Variants in SLC26A7 observed in about 807,000 individuals in gnomAD.
SLC26A7 encodes the protein solute carrier family 26 member 7, also known as anion exchange transporter.
Under a neutral mutation model 82.5 loss-of-function variants are expected in SLC26A7, and 59 were observed. The ratio of observed to expected loss-of-function variants is 0.72; its 90% CI spans 0.58 to 0.89. The LOEUF (loss-of-function observed/expected upper bound fraction) is 0.89, where lower values mean the gene tolerates loss of function less well. Among genes scored for constraint, SLC26A7 ranks in the 40% least tolerant of loss-of-function variants. SLC26A7 has a pLI of 0.00. For missense variants in SLC26A7, 820 were observed against 793.0 expected (o/e 1.03, Z -0.41); for synonymous variants, 271 against 274.3 (o/e 0.99, Z 0.12).
chr8:91,340,692 A>G, intron 8 of SLC26A7, 141 bp downstream of exon 8: 3 of 974,572 alleles, frequency 3.1e-6, no homozygotes, highest in Non-Finnish European at 4.5e-6. Flanking sequence ...AAAAAGAAAA[A>G]TATCAAAATC....
At chr8:91,298,888 AGTT>A (rs886403934) in intron 4 of SLC26A7, among the ~76,000 whole-genome samples, 2 of 152,168 alleles carry the variant, frequency 1.3e-5, no homozygotes, top group African/African-American at 4.8e-5. Context: ...AAACAAATGT[AGTT>A]ATGTTAGACA....
At chr8:91,278,026 C>T (rs982299168) in intron 2 of SLC26A7, among the ~76,000 whole-genome samples, 2 of 152,102 alleles carry the variant, frequency 1.3e-5, no homozygotes, top group Non-Finnish European at 2.9e-5. Flanking sequence ...ATCGTTGGGA[C>T]CATGCCCCCT....
At chr8:91,378,740 A>T (rs1814588630) in intron 15 of SLC26A7, among the ~76,000 whole-genome samples, 1 of 151,732 alleles carries the variant, frequency 6.6e-6, no homozygotes, top group South Asian at 2.1e-4. Context: ...ACACATTTCA[A>T]ATAATGAAAA....
intron 11 of SLC26A7, chr8:91,357,134 C>T (rs1586448437): frequency 6.6e-6 from 1 of 152,078 alleles, no homozygotes; most frequent in Non-Finnish European, 1.5e-5. Flanking sequence ...AGTACATTTC[C>T]TTTTTCTCTG....
intron 4 of SLC26A7, among the ~76,000 whole-genome samples, chr8:91,316,759 C>T (rs1195381740): frequency 3.3e-5 from 5 of 150,802 alleles, no homozygotes; most frequent in African/African-American, 1.2e-4. Context: ...TTACTTTTTG[C>T]AGTTTCTGTG....
intron 2 of SLC26A7, among the ~76,000 whole-genome samples, chr8:91,262,554 C>G (rs60170010): frequency 0.023 from 3,484 of 152,100 alleles, 123 homozygotes; most frequent in African/African-American, 0.08. Context: ...CAGCCAGCAT[C>G]ATGGAAGGTC....
At chr8:91,354,317 C>A (rs1228071375) in intron 11 of SLC26A7, among the ~76,000 whole-genome samples, 1 of 151,954 alleles carries the variant, frequency 6.6e-6, no homozygotes, top group Non-Finnish European at 1.5e-5. Flanking sequence ...AATTGCATTA[C>A]CTGGAGAAGA....
intron 2 of SLC26A7, among the ~76,000 whole-genome samples, chr8:91,271,454 A>G (rs757091732): frequency 6.6e-6 from 1 of 152,228 alleles, no homozygotes; most frequent in Non-Finnish European, 1.5e-5. Context: ...TACTAAGCTC[A>G]GACAACTTGG....
At chr8:91,318,839 A>G (rs7829485) in intron 5 of SLC26A7, among the ~76,000 whole-genome samples, 27,114 of 152,096 alleles carry the variant, frequency 0.18, 2,860 homozygotes, top group African/African-American at 0.28. Context: ...ACCTGAACCC[A>G]AGAAAGAGAG....
At chr8:91,223,058 C>T (rs972472615) in intron 2 of SLC26A7, among the ~76,000 whole-genome samples, 10 of 152,014 alleles carry the variant, frequency 6.6e-5, no homozygotes, top group African/African-American at 2.2e-4. Context: ...CTGGTTTAGT[C>T]TTAGTAGGGT....
chr8:91,287,151 T>G (rs1448921944), intron 2 of SLC26A7, among the ~76,000 whole-genome samples: 1 of 152,216 alleles, frequency 6.6e-6, no homozygotes, highest in Non-Finnish European at 1.5e-5. Context: ...TGGAGATTGT[T>G]GTAGAAGAAT....
chr8:91,360,492 G>A (rs1814019216), intron 11 of SLC26A7, among the ~76,000 whole-genome samples: 1 of 152,100 alleles, frequency 6.6e-6, no homozygotes, highest in South Asian at 2.1e-4. Context: ...ATTATTTATT[G>A]GTCTATGTTA....
chr8:91,344,281 G>C, intron 9 of SLC26A7: 1 of 880,528 alleles, frequency 1.1e-6, no homozygotes, highest in Non-Finnish European at 1.4e-6. Flanking sequence ...CCAGGTCATA[G>C]AGGTAGTAAA....
At position 91,395,437 on chromosome 8, in the gene SLC26A7, T is replaced by C. The variant is rs1222295317; in HGVS notation, c.*340T>C. On this transcript the variant is annotated 3_prime_UTR_variant, in exon 19 of 19. Coordinates refer to ENST00000276609, the MANE Select transcript of SLC26A7 (RefSeq NM_052832.4). Reference sequence around the variant, plus strand: ...TAAGTTGATGTTTAAAATTGAGAAATACTTTTGTCATAGGTAATTTGGAAC... The same window carrying C: ...TAAGTTGATGTTTAAAATTGAGAAACACTTTTGTCATAGGTAATTTGGAAC... The C allele has an allele frequency of 1.5e-5, 4 of 260,314 alleles. No individual in the cohort carries two copies. The highest frequency in any genetic ancestry group is 2.6e-5 in the Non-Finnish European group (4 of 152,318). 16.1% of individuals were successfully genotyped at this position (260,314 alleles called of 1,614,324 possible).
chr8:91,339,213 G>T (rs1009438579), intron 7 of SLC26A7, among the ~76,000 whole-genome samples: 3 of 151,938 alleles, frequency 2.0e-5, no homozygotes, highest in African/African-American at 7.3e-5. Flanking sequence ...AAATGGTTTT[G>T]TGTAGCATAA....
chr8:91,284,331 C>T (rs1811654181), intron 2 of SLC26A7, among the ~76,000 whole-genome samples: 1 of 152,062 alleles, frequency 6.6e-6, no homozygotes, highest in Admixed American at 6.6e-5. Flanking sequence ...GGCCAGGAGC[C>T]TTTAGGGTTT....
chr8:91,353,021 A>T (rs746364778), intron 11 of SLC26A7, 25 bp downstream of exon 11: 1 of 1,516,966 alleles, frequency 6.6e-7, no homozygotes, highest in South Asian at 1.2e-5. Flanking sequence ...GACCTAAAAC[A>T]ATCCCTTTTT....
chr8:91,284,930 C>T (rs1339551086), intron 2 of SLC26A7, among the ~76,000 whole-genome samples: 1 of 152,200 alleles, frequency 6.6e-6, no homozygotes, highest in African/African-American at 2.4e-5. Context: ...TGACCTCTTA[C>T]TTTCTGTCTC....
chr8:91,375,140 A>C (rs1298575500), intron 15 of SLC26A7, among the ~76,000 whole-genome samples: 1 of 152,072 alleles, frequency 6.6e-6, no homozygotes, highest in Non-Finnish European at 1.5e-5. Flanking sequence ...GTTACACAAA[A>C]AATGAGGCTA....
Sources: gnomAD v4.1 joint callset for allele counts (sites outside exome capture counted in the v4.1 genomes callset) on GRCh38, gnomAD v4.1.1 for gene constraint, MANE v1.5 for transcripts, NCBI Gene and HGNC (gene_info 2026-07-23, HGNC 2026-07-21) for gene names.